FRMPD2: variants seen among roughly 807,000 people sequenced by gnomAD.
FRMPD2 encodes FERM and PDZ domain-containing protein 2.
Under a neutral mutation model 140.1 loss-of-function variants are expected in FRMPD2, and 96 were observed. The ratio of observed to expected loss-of-function variants is 0.69; its 90% CI spans 0.58 to 0.81. The LOEUF (loss-of-function observed/expected upper bound fraction) is 0.81, where lower values mean the gene tolerates loss of function less well. Among genes scored for constraint, FRMPD2 ranks in the 40% least tolerant of loss-of-function variants. The pLI is 0.00. For synonymous variants in FRMPD2, 449 were observed against 547.6 expected, an observed-to-expected ratio of 0.82 and a Z score of 2.52; for missense variants, 1,240 against 1,447.4, an observed-to-expected ratio of 0.86 and a Z score of 2.32.
intron 24 of FRMPD2, among the ~76,000 whole-genome samples, chr10:48,174,380 C>T (rs1315230866): frequency 8.5e-5 from 13 of 152,220 alleles, no homozygotes; most frequent in African/African-American, 3.1e-4. Flanking sequence ...ATTCCTACCT[C>T]ATTGTGAGGA....
At chr10:48,206,659 ACATGACC>A (rs1839205404) in intron 14 of FRMPD2, 82 bp downstream of exon 14, 3 of 1,023,484 alleles carry the variant, frequency 2.9e-6, no homozygotes, top group Non-Finnish European at 4.5e-6. Flanking sequence ...GGAGAAAGCC[ACATGACC>A]CATGACCCAC....
Position 48,232,109 on chromosome 10 carries a change from G to GCCCAAGAAAAGTAAGCAT in FRMPD2, c.1168+5_1168+6insATGCTTACTTTTCTTGGG, listed in dbSNP as rs756150211. The GCCCAAGAAAAGTAAGCAT allele has an allele frequency of 1.2e-6, 2 of 1,614,070 alleles. No individual in the cohort carries two copies. Among genetic ancestry groups the GCCCAAGAAAAGTAAGCAT allele is most frequent in the Admixed American group, 1.7e-5 (1 of 60,024 alleles). On this transcript the variant is annotated splice_donor_region_variant and intron_variant, in intron 10 of 28. Transcript: ENST00000374201. ...GCCAGCTGTGAGCTGCCCAAGAGAT[G>GCCCAAGAAAAGTAAGCAT]CTTACTTTTCATATACGCCAAGCCA...
intron 1 of FRMPD2, among the ~76,000 whole-genome samples, chr10:48,269,166 C>G (rs1317769948): frequency 1.3e-5 from 2 of 152,080 alleles, no homozygotes; most frequent in Non-Finnish European, 2.9e-5. Flanking sequence ...GAAAACAAAA[C>G]AGCAATGAGA....
chr10:48,222,199 C>T, intron 12 of FRMPD2, 114 bp downstream of exon 12: 1 of 1,015,622 alleles, frequency 9.8e-7, no homozygotes, highest in Admixed American at 2.4e-5. Context: ...TCCAATCTAG[C>T]TGGTAGATGC....
chr10:48,249,851 G>A (rs1354708451), intron 2 of FRMPD2, among the ~76,000 whole-genome samples: 2 of 146,130 alleles, frequency 1.4e-5, no homozygotes, highest in Non-Finnish European at 2.9e-5. Context: ...AGAGGGCTCT[G>A]AAGAGACACT....
chr10:48,159,146 G>T (rs2564819), intron 28 of FRMPD2: 138 of 455,898 alleles, frequency 3.0e-4, no homozygotes, highest in African/African-American at 2.3e-3. Context: ...CCCATATTGA[G>T]GTCTCCATTA....
At chr10:48,257,205 A>G (rs1326913923) in intron 1 of FRMPD2, among the ~76,000 whole-genome samples, 1 of 151,270 alleles carries the variant, frequency 6.6e-6, no homozygotes, top group East Asian at 1.9e-4. Flanking sequence ...TCTGCCTGTA[A>G]CATTCACAGG....
In FRMPD2 at chr10:48,232,184, C is replaced by T. The variant is rs756635593; in HGVS notation, c.1099G>A (p.Val367Ile). ...KCDVESTVGA[V>I]FNAVTSFANL... is the part of the protein sequence containing the mutation. Reference sequence around the variant, plus strand: ...GCAAAGGATGTCACGGCATTGAAGACAGCTCCCACTGTTGATTCAACATCA... The same window carrying T: ...GCAAAGGATGTCACGGCATTGAAGATAGCTCCCACTGTTGATTCAACATCA... The change falls in exon 10 of 29, where the codon GTC becomes ATC. Residue 367 changes from valine to isoleucine, a missense_variant. By Grantham distance (29) the Val-to-Ile change is conservative. Transcript: ENST00000374201. The T allele has an allele frequency of 1.9e-5, 30 of 1,614,086 alleles. No individual in the cohort carries two copies. Among genetic ancestry groups the T allele is most frequent in the Non-Finnish European group, 2.4e-5 (28 of 1,180,034 alleles).
chr10:48,247,945 AG>A (rs1400649475), intron 3 of FRMPD2, among the ~76,000 whole-genome samples: 2 of 151,792 alleles, frequency 1.3e-5, no homozygotes, highest in Non-Finnish European at 2.9e-5. Flanking sequence ...TTCAGGGGGG[AG>A]GGGGTGCTGG....
intron 2 of FRMPD2, among the ~76,000 whole-genome samples, chr10:48,249,730 G>A (rs2131964714): frequency 6.6e-6 from 1 of 152,324 alleles, no homozygotes; most frequent in South Asian, 2.1e-4. Flanking sequence ...CTGAGTGTGG[G>A]TACTCAGCAT....
intron 10 of FRMPD2, 132 bp downstream of exon 10, chr10:48,231,983 T>C (rs1839857231): frequency 1.4e-6 from 1 of 736,810 alleles, no homozygotes; most frequent in East Asian, 2.6e-5. Flanking sequence ...TCATGCTGAC[T>C]AATGTCTAGG....
intron 1 of FRMPD2, among the ~76,000 whole-genome samples, chr10:48,271,221 G>T (rs1002554199): frequency 1.3e-5 from 2 of 152,068 alleles, no homozygotes; most frequent in Non-Finnish European, 2.9e-5. Context: ...CCTTCTGCAG[G>T]CTCTGTGGGG....
chr10:48,174,765 T>C, intron 24 of FRMPD2, 105 bp downstream of exon 24: 2 of 971,794 alleles, frequency 2.1e-6, no homozygotes, highest in Non-Finnish European at 3.3e-6. Context: ...AGAAAAAGTC[T>C]TGTTTCTTGC....
chr10:48,235,211 G>A (rs1168525387), intron 9 of FRMPD2, among the ~76,000 whole-genome samples: 1 of 152,190 alleles, frequency 6.6e-6, no homozygotes, highest in Non-Finnish European at 1.5e-5. Flanking sequence ...TTCATGCTTT[G>A]GGTAACTCAA....
Position 48,232,266 on chromosome 10 carries a change from C to T in FRMPD2, c.1017G>A (p.Leu339=). 1 of 1,611,384 alleles carries T rather than the reference C, an allele frequency of 6.2e-7. No homozygotes were observed. Among genetic ancestry groups the T allele is most frequent in the Non-Finnish European group, 8.5e-7 (1 of 1,178,556 alleles). The change falls in exon 10 of 29, where the codon TTG becomes TTA. Residue 339 remains leucine, a synonymous_variant. Coordinates refer to ENST00000374201, the MANE Select transcript of FRMPD2 (RefSeq NM_001018071.4). The part of the protein sequence containing the change: ...SVVTKKGKSY[L]ALRDLCVVLL... ...GGACCACACAGAGGTCCCTGAGAGC[C>T]AAATAGGATTTCCCTTTTTTGGTCT...
chr10:48,251,416 C>A, intron 2 of FRMPD2, 150 bp downstream of exon 2: 2 of 934,278 alleles, frequency 2.1e-6, no homozygotes, highest in Non-Finnish European at 3.2e-6. Flanking sequence ...CATTCTAATA[C>A]CTCAGAGTAA....
chr10:48,256,797 C>G (rs1420146854), intron 1 of FRMPD2, among the ~76,000 whole-genome samples: 2 of 152,210 alleles, frequency 1.3e-5, no homozygotes, highest in Non-Finnish European at 2.9e-5. Context: ...CTCCTTGTTT[C>G]TCCAAACTCC....
chr10:48,214,952 A>G (rs1162381560), intron 12 of FRMPD2, among the ~76,000 whole-genome samples: 2 of 152,226 alleles, frequency 1.3e-5, no homozygotes, highest in African/African-American at 4.8e-5. Flanking sequence ...GGTGAAGTTC[A>G]CAACTGTGTA....
At chr10:48,204,043 T>A (rs1839148042) in intron 14 of FRMPD2, among the ~76,000 whole-genome samples, 1 of 152,158 alleles carries the variant, frequency 6.6e-6, no homozygotes, top group African/African-American at 2.4e-5. Flanking sequence ...CTTCCATTTG[T>A]CTAACTCACC....
Sources: gnomAD v4.1 joint callset for allele counts (sites outside exome capture counted in the v4.1 genomes callset) on GRCh38, gnomAD v4.1.1 for gene constraint, MANE v1.5 for transcripts, NCBI Gene and HGNC (gene_info 2026-07-23, HGNC 2026-07-21) for gene names.